CPT1C: variants seen among roughly 807,000 people sequenced by gnomAD.
CPT1C encodes the protein carnitine palmitoyltransferase 1C, also known as palmitoyl thioesterase CPT1C.
In CPT1C, 61 loss-of-function variants were observed where a neutral mutation model predicts 97.3. The observed-to-expected ratio is 0.63, with a 90% CI of 0.51 to 0.78. The LOEUF (loss-of-function observed/expected upper bound fraction) is 0.78. Among genes scored for constraint, CPT1C ranks in the 30% least tolerant of loss-of-function variants. The pLI, the probability that CPT1C is intolerant of heterozygous loss-of-function variation, is 0.00. For missense variants in CPT1C, 975 were observed against 1,065.5 expected (o/e 0.92, Z 1.18); for synonymous variants, 469 against 447.2 (o/e 1.05, Z -0.61).
intron 7 of CPT1C, among the ~76,000 whole-genome samples, chr19:49,704,186 G>C (rs1015024362): frequency 2.0e-5 from 3 of 151,452 alleles, no homozygotes; most frequent in Non-Finnish European, 2.9e-5. Flanking sequence ...TTCTTTTTTG[G>C]GGGGGACGGA....
At position 49,692,300 on chromosome 19, in the gene CPT1C, G is replaced by A; in HGVS notation, c.48G>A (p.Ser16=). The part of the protein sequence containing the change: ...QAVGFRPSLT[S]DGAEVELSAP... ...TGGGCTTCCGACCCTCGCTGACCTC[G>A]GACGGGGCTGAAGTGGAACTCAGTG... Residue 16 remains serine, a synonymous_variant, in exon 3 of 20, where the codon TCG becomes TCA. Coordinates refer to ENST00000598293, the MANE Select transcript of CPT1C (RefSeq NM_001199753.2). 1 of 1,614,116 alleles carries A rather than the reference G, an allele frequency of 6.2e-7. No homozygotes were observed. The highest frequency in any genetic ancestry group is 8.5e-7 in the Non-Finnish European group (1 of 1,180,014).
At chr19:49,695,740 C>T (rs187329755) in intron 3 of CPT1C, among the ~76,000 whole-genome samples, 33 of 151,990 alleles carry the variant, frequency 2.2e-4, no homozygotes, top group East Asian at 7.7e-4. Flanking sequence ...TGTGCCACCA[C>T]GCCAAGCTAA....
In CPT1C at chr19:49,702,122, T is replaced by C. The variant is rs1432005565; in HGVS notation, c.693+488T>C. Among the ~76,000 whole-genome samples, 6 of 104,344 alleles carry C rather than the reference T, an allele frequency of 5.8e-5. 1 individual carries two copies. The highest frequency in any genetic ancestry group is 2.1e-4 in the African/African-American group (6 of 28,768). 68.5% of individuals were successfully genotyped at this position (104,344 alleles called of 152,430 possible). A position where few individuals can be genotyped will look rare whatever the true frequency, so the allele number is the denominator to read the frequency against. On this transcript the variant is annotated intron_variant, in intron 7 of 19. Transcript: ENST00000598293. ...AAATTATAAATATATATTTATTTAT[T>C]TATAAATTATAAATAAATATATATT... is the stretch of plus-strand genomic sequence containing the variant.
At chr19:49,702,062 ATTTATTTAT>A (rs2083167053) in intron 7 of CPT1C, among the ~76,000 whole-genome samples, 1 of 114,752 alleles carries the variant, frequency 8.7e-6, no homozygotes, top group African/African-American at 3.5e-5. Flanking sequence ...ATAAATATAT[ATTTATTTAT>A]AAATTATAAA....
chr19:49,713,241 C>T, intron 19 of CPT1C, 177 bp downstream of exon 19: 1 of 731,336 alleles, frequency 1.4e-6, no homozygotes, highest in Non-Finnish European at 2.2e-6. Context: ...GGCCCCCAGC[C>T]CCTCCTCCCT....
At chr19:49,710,946 C>A in intron 16 of CPT1C, 89 bp downstream of exon 16, 1 of 1,402,514 alleles carries the variant, frequency 7.1e-7, no homozygotes, top group Non-Finnish European at 9.7e-7. Context: ...TGAAGCCAGC[C>A]TCCACGAGGA....
At position 49,708,347 on chromosome 19, in the gene CPT1C, A is replaced by C. The variant is rs1017725683; in HGVS notation, c.1450-376A>C. ...AAAACGTTAAAAAAAAACAAAAAAAACAAAACCAGCCAGTCATGGTGGTAC... is the reference window on the plus strand; with the variant it reads ...AAAACGTTAAAAAAAAACAAAAAAACCAAAACCAGCCAGTCATGGTGGTAC... On this transcript the variant is annotated intron_variant, in intron 13 of 19. Transcript: ENST00000598293. Among the ~76,000 whole-genome samples the C allele has an allele frequency of 4.6e-5, 7 of 151,872 alleles. No individual in the cohort carries two copies. In the East Asian group the frequency reaches 1.2e-3, roughly 25 times the overall value.
At chr19:49,694,932 A>T (rs2082576629) in intron 3 of CPT1C, among the ~76,000 whole-genome samples, 1 of 152,092 alleles carries the variant, frequency 6.6e-6, no homozygotes, top group Non-Finnish European at 1.5e-5. Flanking sequence ...CGAGGTCAGG[A>T]GATCAAGACC....
chr19:49,707,579 G>A lies in CPT1C; in HGVS notation c.1405G>A (p.Glu469Lys). 6.2e-7 allele frequency: 1 copy of A among 1,613,890 alleles called. No individual in the cohort carries two copies. Among genetic ancestry groups the A allele is most frequent in the Non-Finnish European group, 8.5e-7 (1 of 1,179,908 alleles). Residue 469 changes from glutamate to lysine, a missense_variant, in exon 13 of 20, where the codon GAG (glutamate) becomes AAG (lysine). Around this residue, in one of 3 missense-constraint regions of CPT1C, gnomAD observed 35 missense variants for 66.6 expected, o/e 0.53. Coordinates refer to ENST00000598293, the MANE Select transcript of CPT1C (RefSeq NM_001199753.2). The part of the protein sequence containing the change: ...FSNGKLGLSV[E>K]HSWADCPISG... ...TAACGGGAAGCTGGGCCTCAGCGTG[G>A]AGCACTCCTGGGCCGACTGCCCCAT...
intron 5 of CPT1C, 108 bp downstream of exon 5, chr19:49,700,963 T>G: frequency 1.7e-6 from 2 of 1,203,058 alleles, no homozygotes; most frequent in Non-Finnish European, 2.4e-6. Context: ...CCTCTCTCTC[T>G]GGGTCTCTTC....
intron 7 of CPT1C, among the ~76,000 whole-genome samples, chr19:49,703,350 C>CTTTTTTTT (rs59161524): frequency 8.8e-5 from 12 of 136,544 alleles, no homozygotes; most frequent in Admixed American, 7.3e-5. Context: ...TGGCTAATTT[C>CTTTTTTTT]TTTTTTTTTT....
chr19:49,702,117 T>TTTATTTATAAA (rs2083192478), intron 7 of CPT1C, among the ~76,000 whole-genome samples: 1 of 105,442 alleles, frequency 9.5e-6, no homozygotes, highest in Non-Finnish European at 2.1e-5. Context: ...TATATATTTA[T>TTTATTTATAAA]TTATTTATAA....
Position 49,708,773 on chromosome 19 carries a change from C to A in CPT1C, c.1500C>A (p.His500Gln). Residue 500 changes from histidine to glutamine, a missense_variant, in exon 14 of 20, where the codon CAC (histidine) becomes CAA (glutamine). By Grantham distance (24) the His-to-Gln change is conservative. Transcript: ENST00000598293. ...AGCTGGGCTACTCAACAGACGGCCA[C>A]TGCAAGGGGCACCCGGACCCCACAC... ...CFQLGYSTDGHCKGHPDPTLP... is the reference protein window; with the variant it reads ...CFQLGYSTDGQCKGHPDPTLP... 6.2e-7 allele frequency: 1 copy of A among 1,614,052 alleles called. No individual in the cohort carries two copies. The highest frequency in any genetic ancestry group is 8.5e-7 in the Non-Finnish European group (1 of 1,179,996).
chr19:49,706,537 G>A lies in CPT1C; in HGVS notation c.1343+124G>A, dbSNP rs979088760. The A allele has an allele frequency of 1.2e-6, 1 of 825,438 alleles. No individual in the cohort carries two copies. The highest frequency in any genetic ancestry group is 1.7e-6 in the Non-Finnish European group (1 of 597,080). The allele number at this position is 825,438 out of a possible 1,614,324, so 51.1% of individuals were successfully genotyped here. A position where few individuals can be genotyped will look rare whatever the true frequency, so the allele number is the denominator to read the frequency against. On this transcript the variant is annotated intron_variant, in intron 12 of 19. Transcript: ENST00000598293. The surrounding 1 kb of genome is among the most constrained non-coding windows in gnomAD (Gnocchi z 4.8). ...CACCTGCAGAGTCTGTAGACCAGGG[G>A]CTGCATAGAGCTGAGGACCCCAGAC...
chr19:49,707,388 A>G, intron 12 of CPT1C, 130 bp from the exon 13 acceptor site: 3 of 681,922 alleles, frequency 4.4e-6, no homozygotes, highest in South Asian at 1.7e-5. Flanking sequence ...GGTCCTAGAG[A>G]TCCCCATACC....
intron 3 of CPT1C, among the ~76,000 whole-genome samples, chr19:49,692,777 A>G (rs1302422166): frequency 6.6e-6 from 1 of 152,184 alleles, no homozygotes; most frequent in Non-Finnish European, 1.5e-5. Flanking sequence ...CCCAGGCTGG[A>G]GTGCAGTGGC....
chr19:49,701,141 C>CTCTCTCTGGGTCTCTGTCCCCCTG lies in CPT1C; in HGVS notation c.454-171_454-170insCTGGGTCTCTGTCCCCCTGTCTCT, dbSNP rs2083023888. On this transcript the variant is annotated intron_variant, in intron 5 of 19. Coordinates refer to ENST00000598293, the MANE Select transcript of CPT1C (RefSeq NM_001199753.2). Reference sequence around the variant, plus strand: ...TCTCTCTCTGGGTCTCTGTCCCCCTCTCTCTGGGTCTCTGTCCCCTGTCTC... The same window carrying CTCTCTCTGGGTCTCTGTCCCCCTG: ...TCTCTCTCTGGGTCTCTGTCCCCCTCTCTCTCTGGGTCTCTGTCCCCCTGTCTCTGGGTCTCTGTCCCCTGTCTC... Among the ~76,000 whole-genome samples the CTCTCTCTGGGTCTCTGTCCCCCTG allele has an allele frequency of 6.0e-5, 9 of 149,506 alleles. 1 individual carries two copies. The highest frequency in any genetic ancestry group is 5.4e-4 in the Admixed American group (8 of 14,924).
At chr19:49,704,567 G>A (rs1322099388) in intron 7 of CPT1C, 143 bp from the exon 8 acceptor site, 8 of 655,562 alleles carry the variant, frequency 1.2e-5, no homozygotes, top group Admixed American at 2.4e-5. Flanking sequence ...CTAGGTGATC[G>A]CTAGTTACTG....
At chr19:49,697,598 C>T (rs899505466) in intron 4 of CPT1C, 133 bp downstream of exon 4, 5 of 1,105,736 alleles carry the variant, frequency 4.5e-6, no homozygotes, top group Admixed American at 4.9e-5. Context: ...TTAATAAAGG[C>T]ATGGCATGAA....
Sources: gnomAD v4.1 joint callset for allele counts (sites outside exome capture counted in the v4.1 genomes callset) on GRCh38, gnomAD v4.1.1 for gene constraint, gnomAD v4.1.1 regional missense constraint, Gnocchi (gnomAD v3.1) non-coding constraint, MANE v1.5 for transcripts, NCBI Gene and HGNC (gene_info 2026-07-23, HGNC 2026-07-21) for gene names.